Variants in PDIA3 observed in about 807,000 individuals in gnomAD.
PDIA3 encodes protein disulfide isomerase family A member 3, also known as protein disulfide-isomerase A3.
Under a neutral mutation model 56.9 loss-of-function variants are expected in PDIA3, and 16 were observed. The observed-to-expected ratio is 0.28, with a 90% CI of 0.19 to 0.43. PDIA3 has a LOEUF of 0.43. PDIA3 is among the 20% of genes least tolerant of loss of function. The pLI, the probability that PDIA3 is intolerant of heterozygous loss-of-function variation, is 1.00. For synonymous variants in PDIA3, 192 were observed against 216.5 expected, an observed-to-expected ratio of 0.89 and a Z score of 0.99; for missense variants, 485 against 621.3, an observed-to-expected ratio of 0.78 and a Z score of 2.33.
chr15:43,748,042 A>AG (rs1284190388), intron 1 of PDIA3, among the ~76,000 whole-genome samples: 3 of 152,164 alleles, frequency 2.0e-5, no homozygotes, highest in African/African-American at 7.2e-5. Context: ...GTTAGCTTTG[A>AG]GGGGGTGTCA....
intron 6 of PDIA3, 95 bp from the exon 7 acceptor site, chr15:43,765,792 C>T: frequency 4.5e-6 from 6 of 1,347,742 alleles, no homozygotes; most frequent in Non-Finnish European, 5.2e-6. Flanking sequence ...TTTAAAATCT[C>T]TTTCCTTCAT....
At chr15:43,757,060 A>G (rs1423201093) in intron 3 of PDIA3, among the ~76,000 whole-genome samples, 1 of 152,210 alleles carries the variant, frequency 6.6e-6, no homozygotes, top group Non-Finnish European at 1.5e-5. Context: ...GTTGGCATTT[A>G]TTGATAAAAT....
intron 4 of PDIA3, among the ~76,000 whole-genome samples, chr15:43,762,047 A>C (rs1334330642): frequency 6.6e-6 from 1 of 152,144 alleles, no homozygotes; most frequent in African/African-American, 2.4e-5. Flanking sequence ...TTGCTTTCTC[A>C]TGTGTTGCAG....
intron 11 of PDIA3, 55 bp downstream of exon 11, chr15:43,770,384 T>C: frequency 6.8e-7 from 1 of 1,470,956 alleles, no homozygotes; most frequent in Non-Finnish European, 9.5e-7. Context: ...GAATAAAGCT[T>C]GTAACCACCA....
At chr15:43,760,885 A>G (rs1342041683) in intron 3 of PDIA3, among the ~76,000 whole-genome samples, 1 of 151,874 alleles carries the variant, frequency 6.6e-6, no homozygotes, top group Non-Finnish European at 1.5e-5. Context: ...TAAAAGGTTG[A>G]GGTAGCTATG....
chr15:43,769,147 C>G (rs140149169), intron 9 of PDIA3, among the ~76,000 whole-genome samples: 149 of 152,272 alleles, frequency 9.8e-4, no homozygotes, highest in African/African-American at 3.5e-3. Flanking sequence ...AGAGCAACCC[C>G]TAAGAACAGT....
chr15:43,770,359 C>T lies in PDIA3; in HGVS notation c.1346+30C>T, dbSNP rs557024181. On this transcript the variant is annotated intron_variant, in intron 11 of 12. Transcript: ENST00000300289. ...GTGGCTTAAAACTTAACAAAAGTGT[C>T]TAGGCAATAGATAGGAATAAAGCTT... 6.4e-6 allele frequency: 10 copies of T among 1,557,570 alleles called. No individual in the cohort carries two copies. In the African/African-American group the frequency reaches 1.2e-4, roughly 19 times the overall value.
Position 43,760,783 on chromosome 15 carries a change from G to A in PDIA3, c.365-641G>A, listed in dbSNP as rs369701716. On this transcript the variant is annotated intron_variant, in intron 3 of 12. Transcript: ENST00000300289. Reference sequence around the variant, plus strand: ...CCTGACCTCGTGATCTGCCCGCCTCGGCCTCCCAAAGTGCTGTGATTACAG... The same window carrying A: ...CCTGACCTCGTGATCTGCCCGCCTCAGCCTCCCAAAGTGCTGTGATTACAG... 3.3e-5 allele frequency among the ~76,000 whole-genome samples: 5 copies of A among 151,136 alleles called. No homozygotes were observed. In the South Asian group the frequency reaches 8.4e-4, roughly 25 times the overall value.
At chr15:43,759,982 G>C (rs536513041) in intron 3 of PDIA3, among the ~76,000 whole-genome samples, 1 of 152,062 alleles carries the variant, frequency 6.6e-6, no homozygotes, top group African/African-American at 2.4e-5. Flanking sequence ...CCAGCTACTC[G>C]GGAGGCTGAG....
chr15:43,766,939 C>A, intron 8 of PDIA3, 29 bp downstream of exon 8: 2 of 1,598,124 alleles, frequency 1.3e-6, no homozygotes, highest in Non-Finnish European at 1.7e-6. Flanking sequence ...TTTGATTCTC[C>A]AAGGCAATTA....
chr15:43,753,698 T>C, intron 1 of PDIA3, 126 bp from the exon 2 acceptor site: 4 of 659,172 alleles, frequency 6.1e-6, no homozygotes, highest in Non-Finnish European at 1.1e-5. Context: ...CATGTGATGA[T>C]TTTGCTTTTT....
At position 43,769,546 on chromosome 15, in the gene PDIA3, T is replaced by C. The variant is rs2086868848; in HGVS notation, c.1166T>C (p.Ile389Thr). Residue 389 changes from isoleucine (I) to threonine (T), a missense_variant, in exon 10 of 13, where the codon ATA becomes ACA. By Grantham distance (89) the Ile-to-Thr change is moderately conservative (BLOSUM62 -1). Transcript: ENST00000300289. ...KVVVAENFDE[I>T]VNNENKDVLI... ...GTGGTAGCAGAGAATTTTGATGAAA[T>C]AGTGAATAATGAAAATAAAGATGTG... 1 of 1,612,948 alleles carries C rather than the reference T, an allele frequency of 6.2e-7. No homozygotes were observed. Among genetic ancestry groups the C allele is most frequent in the African/African-American group, 1.3e-5 (1 of 74,888 alleles).
intron 3 of PDIA3, among the ~76,000 whole-genome samples, chr15:43,760,766 C>T (rs1182450086): frequency 7.3e-5 from 11 of 151,192 alleles, no homozygotes; most frequent in South Asian, 2.1e-4. Context: ...CTCCTGACCT[C>T]GTGATCTGCC....
At chr15:43,770,183 A>G in intron 10 of PDIA3, 67 bp from the exon 11 acceptor site, 1 of 1,258,654 alleles carries the variant, frequency 7.9e-7, no homozygotes, top group South Asian at 1.2e-5. Flanking sequence ...TTAAGTCTTC[A>G]ATTGACTAAG....
chr15:43,766,640 C>A, intron 7 of PDIA3, 88 bp from the exon 8 acceptor site: 1 of 1,028,392 alleles, frequency 9.7e-7, no homozygotes. Flanking sequence ...AGAACTTAGT[C>A]TTTGCTTTCC....
chr15:43,769,402 A>G, intron 9 of PDIA3, 116 bp from the exon 10 acceptor site: 1 of 953,564 alleles, frequency 1.0e-6, no homozygotes, highest in Non-Finnish European at 1.6e-6. Flanking sequence ...TTGGGTTTCC[A>G]TGACTTATTT....
chr15:43,768,877 A>T (rs577578833), intron 9 of PDIA3, among the ~76,000 whole-genome samples: 19 of 152,208 alleles, frequency 1.2e-4, no homozygotes, highest in Admixed American at 3.9e-4. Context: ...CAAAAAAATC[A>T]GCCGGGCATG....
Position 43,770,567 on chromosome 15 carries a change from C to T in PDIA3, c.1391C>T (p.Pro464Leu). 1 of 1,608,762 alleles carries T rather than the reference C, an allele frequency of 6.2e-7. No homozygotes were observed. The highest frequency in any genetic ancestry group is 1.7e-5 in the Admixed American group (1 of 60,014). ...YFSPANKKLNPKKYEGGRELS... is the reference protein window; with the variant it reads ...YFSPANKKLNLKKYEGGRELS... ...TCTCCAGCCAACAAGAAGCTAAATC[C>T]AAAGAAATATGAAGTAAGTGAATTG... Residue 464 changes from proline (P) to leucine (L), a missense_variant, in exon 12 of 13, where the codon CCA becomes CTA. Physicochemically the swap from Pro to Leu is moderately conservative, Grantham distance 98. Coordinates refer to ENST00000300289, the MANE Select transcript of PDIA3 (RefSeq NM_005313.5).
intron 3 of PDIA3, among the ~76,000 whole-genome samples, chr15:43,757,647 T>C (rs1418511126): frequency 6.8e-6 from 1 of 148,142 alleles, no homozygotes; most frequent in East Asian, 2.0e-4. Context: ...GATCACGAGG[T>C]CAGGAATTTG....
Sources: allele counts gnomAD v4.1 joint callset (sites outside exome capture counted in the v4.1 genomes callset), GRCh38; gene constraint gnomAD v4.1.1; transcripts MANE v1.5; gene names NCBI Gene and HGNC (gene_info 2026-07-23, HGNC 2026-07-21).